Variants in FCGR1A observed in about 807,000 individuals in gnomAD.
The protein encoded by FCGR1A is high affinity immunoglobulin gamma Fc receptor I.
FCGR1A carries 13 observed loss-of-function variants against 35.0 expected under a neutral mutation model. The observed-to-expected ratio is 0.37, with a 90% CI of 0.24 to 0.59. The LOEUF is 0.59. Ranked by LOEUF, FCGR1A falls within the 20% of genes least tolerant of loss-of-function variation. The pLI is 0.71. For missense variants in FCGR1A, 227 were observed against 430.0 expected (o/e 0.53, Z 4.17); for synonymous variants, 91 against 164.7 (o/e 0.55, Z 3.43).
intron 3 of FCGR1A, 65 bp from the exon 4 acceptor site, chr1:149,788,301 G>T (rs1273805404): frequency 8.1e-6 from 13 of 1,610,436 alleles, no homozygotes; most frequent in Non-Finnish European, 1.1e-5. Context: ...AGCCCACAGG[G>T]CCAAGCTTGG....
At chr1:149,789,943 T>A in intron 4 of FCGR1A, 111 bp from the exon 5 acceptor site, 2 of 1,603,780 alleles carry the variant, frequency 1.2e-6, no homozygotes, top group Non-Finnish European at 1.7e-6. Flanking sequence ...TAATGCCTTA[T>A]GGATGCATTT....
chr1:149,785,421 T>TG (rs2091520341), intron 3 of FCGR1A, among the ~76,000 whole-genome samples: 1 of 135,744 alleles, frequency 7.4e-6, no homozygotes, highest in Non-Finnish European at 1.6e-5. Flanking sequence ...TTTTTTTTTT[T>TG]TTTTTTTTTT....
At chr1:149,789,371 C>T (rs1411114229) in intron 4 of FCGR1A, among the ~76,000 whole-genome samples, 2 of 146,414 alleles carry the variant, frequency 1.4e-5, no homozygotes, top group African/African-American at 5.1e-5. Context: ...CCAGCCTGGG[C>T]AACAGAGCGA....
chr1:149,792,892 C>G, downstream of FCGR1A: 1 of 1,263,356 alleles, frequency 7.9e-7, no homozygotes. Context: ...GGGGCGGCCC[C>G]CCAAAATCCC....
intron 4 of FCGR1A, 79 bp from the exon 5 acceptor site, chr1:149,789,975 G>T (rs2091660959): frequency 6.2e-7 from 1 of 1,612,352 alleles, no homozygotes; most frequent in Non-Finnish European, 8.5e-7. Flanking sequence ...GTTTCCCAAG[G>T]GGGTAAAGGG....
At chr1:149,796,382 G>A (rs2091800650), downstream of FCGR1A, among the ~76,000 whole-genome samples, 1 of 152,172 alleles carries the variant, frequency 6.6e-6, no homozygotes, top group Non-Finnish European at 1.5e-5. Flanking sequence ...CCCAAATGTG[G>A]TATTCTCTGA....
At chr1:149,793,634 A>C (rs1238173829), downstream of FCGR1A, among the ~76,000 whole-genome samples, 2 of 151,728 alleles carry the variant, frequency 1.3e-5, no homozygotes, top group Non-Finnish European at 2.9e-5. Flanking sequence ...CCCATCCTTC[A>C]ATCCGAGAGC....
the FCGR1A span, among the ~76,000 whole-genome samples, chr1:149,797,370 A>T: frequency 6.6e-6 from 1 of 152,168 alleles, no homozygotes. Flanking sequence ...GCAAATATAT[A>T]TCAAAAATAC....
At chr1:149,785,897 G>A (rs1553750798) in intron 3 of FCGR1A, 1 of 152,000 alleles carries the variant, frequency 6.6e-6, no homozygotes, top group Non-Finnish European at 1.5e-5. Context: ...TACGGTATGG[G>A]ACAGGATGTA....
downstream of FCGR1A, chr1:149,792,588 G>T (rs1404751424): frequency 2.5e-6 from 3 of 1,200,718 alleles, no homozygotes; most frequent in Non-Finnish European, 3.2e-6. Context: ...CGCTCCGAGC[G>T]TGTCCCGCGG....
Position 149,789,996 on chromosome 1 carries a change from G to A in FCGR1A, c.560-58G>A, listed in dbSNP as rs587728006. 5.6e-6 allele frequency: 9 copies of A among 1,613,318 alleles called. No homozygotes were observed. The South Asian group carries it at 9.9e-5, about 18-fold the overall frequency. On this transcript the variant is annotated intron_variant, in intron 4 of 5. Coordinates refer to ENST00000369168, the MANE Select transcript of FCGR1A (RefSeq NM_000566.4). ...CAAGGGGGTAAAGGGCATGTCTTTT[G>A]TGAAAAGGACCTGGATGCTAAACAG...
downstream of FCGR1A, chr1:149,794,107 G>A (rs1462269470): frequency 8.6e-6 from 4 of 466,748 alleles, no homozygotes; most frequent in Admixed American, 2.4e-5. Context: ...GACAACAGTA[G>A]AAGCAAAGAG....
At chr1:149,792,423 T>C (rs1488402732), downstream of FCGR1A, 4 of 755,854 alleles carry the variant, frequency 5.3e-6, no homozygotes, top group Non-Finnish European at 6.8e-6. Flanking sequence ...ACAAAATATT[T>C]TCCTGCCACT....
intron 4 of FCGR1A, 94 bp downstream of exon 4, chr1:149,788,711 G>T (rs1297274458): frequency 6.6e-7 from 1 of 1,506,072 alleles, no homozygotes; most frequent in African/African-American, 1.4e-5. Flanking sequence ...TACAAGTGAA[G>T]AAACCGGGCT....
chr1:149,790,764 G>T (rs1286469482), intron 5 of FCGR1A, among the ~76,000 whole-genome samples: 2 of 148,766 alleles, frequency 1.3e-5, no homozygotes, highest in Admixed American at 6.7e-5. Context: ...ATACGTCTGG[G>T]GATATAAAGA....
At chr1:149,793,981 T>G (rs1165075540), downstream of FCGR1A, 3 of 1,005,828 alleles carry the variant, frequency 3.0e-6, no homozygotes, top group East Asian at 1.8e-4. Context: ...TGCCCAGCGA[T>G]TCCAGCCCTG....
At chr1:149,799,803 T>C in the FCGR1A span, among the ~76,000 whole-genome samples, 1 of 152,244 alleles carries the variant, frequency 6.6e-6, no homozygotes, top group Non-Finnish European at 1.5e-5. Context: ...TTGATCATCA[T>C]GAGGACGGAG....
intron 3 of FCGR1A, chr1:149,785,529 T>C (rs2091524846): frequency 6.6e-6 from 1 of 150,734 alleles, no homozygotes; most frequent in South Asian, 2.1e-4. Context: ...CAAGATACTT[T>C]GGGTAATTCA....
At chr1:149,785,960 ATGT>A (rs1176100805) in intron 3 of FCGR1A, 1 of 152,124 alleles carries the variant, frequency 6.6e-6, no homozygotes, top group Non-Finnish European at 1.5e-5. Flanking sequence ...AACTGTATAC[ATGT>A]TGTAAATTGA....
Sources: gnomAD v4.1 joint callset for allele counts (sites outside exome capture counted in the v4.1 genomes callset) on GRCh38, gnomAD v4.1.1 for gene constraint, MANE v1.5 for transcripts, NCBI Gene and HGNC (gene_info 2026-07-23, HGNC 2026-07-21) for gene names.